PTCH2: variants seen among roughly 807,000 people sequenced by gnomAD.
PTCH2 encodes protein patched homolog 2.
In PTCH2, 96 loss-of-function variants were observed where a neutral mutation model predicts 117.9. That is an observed-to-expected ratio of 0.81 (90% confidence interval 0.69 to 0.96). The LOEUF (loss-of-function observed/expected upper bound fraction) is 0.96, where lower values mean the gene tolerates loss of function less well. PTCH2 is among the 50% of genes least tolerant of loss of function. The pLI is 0.00. For synonymous variants in PTCH2, 615 were observed against 660.9 expected, an observed-to-expected ratio of 0.93 and a Z score of 1.06; for missense variants, 1,379 against 1,562.5, an observed-to-expected ratio of 0.88 and a Z score of 1.98.
chr1:44,836,773 TACAAACAA>T (rs531275917), intron 2 of PTCH2, among the ~76,000 whole-genome samples: 5 of 151,894 alleles, frequency 3.3e-5, no homozygotes, highest in Non-Finnish European at 7.4e-5. Flanking sequence ...ACTGCGTCTC[TACAAACAA>T]ACAAACAAAC....
At chr1:44,840,202 A>G (rs1246788422) in intron 2 of PTCH2, among the ~76,000 whole-genome samples, 1 of 150,440 alleles carries the variant, frequency 6.6e-6, no homozygotes, top group Admixed American at 6.6e-5. Context: ...TCCCAGGTTC[A>G]AGCAATTCTC....
intron 19 of PTCH2, among the ~76,000 whole-genome samples, chr1:44,825,498 A>G (rs959856143): frequency 1.3e-5 from 2 of 152,026 alleles, no homozygotes; most frequent in Admixed American, 1.3e-4. Flanking sequence ...CTGTATTGCT[A>G]TTATATCCCG....
In PTCH2 at chr1:44,823,924, T is replaced by C. The variant is rs1292312885; in HGVS notation, c.3115-539A>G. ...CTACACTCCAGCCTGGGCGACAGAG[T>C]GAGACCCTGTTTCAAACAAACAAAC... On this transcript the variant is annotated intron_variant, in intron 19 of 21. Coordinates refer to ENST00000372192, the MANE Select transcript of PTCH2 (RefSeq NM_003738.5). The surrounding 1 kb of genome is among the most constrained non-coding windows in gnomAD (Gnocchi z 5.1). Among the ~76,000 whole-genome samples the C allele has an allele frequency of 6.7e-6, 1 of 149,532 alleles. No individual in the cohort carries two copies. The highest frequency in any genetic ancestry group is 2.5e-5 in the African/African-American group (1 of 39,568).
At position 44,823,154 on chromosome 1, in the gene PTCH2, G is replaced by T. The variant is rs369600860; in HGVS notation, c.3272C>A (p.Ala1091Glu). 5.6e-6 allele frequency: 9 copies of T among 1,613,946 alleles called. No individual in the cohort carries two copies. Among genetic ancestry groups the T allele is most frequent in the South Asian group, 2.2e-5 (2 of 91,082 alleles). ...FDFIVRYFFAALTVLTLLGLL... is the reference protein window; with the variant it reads ...FDFIVRYFFAELTVLTLLGLL... ...GCCCAGGAGCGTGAGCACTGTCAGC[G>T]CCGCAAAGAAGTACCTAGGGGTAGG... The change falls in exon 21 of 22, where the codon GCG (alanine) becomes GAG (glutamate). Residue 1091 changes from alanine to glutamate, a missense_variant. Ala to Glu is a moderately radical substitution (Grantham distance 107). Transcript: ENST00000372192. The surrounding 1 kb of genome is among the most constrained non-coding windows in gnomAD (Gnocchi z 5.1).
Position 44,838,034 on chromosome 1 carries a change from A to G in PTCH2, c.265+3813T>C, listed in dbSNP as rs191211188. On this transcript the variant is annotated intron_variant, in intron 2 of 21. Coordinates refer to ENST00000372192, the MANE Select transcript of PTCH2 (RefSeq NM_003738.5). ...GAGATGGAGCTTGCAGTGAGCTAAGATCGCACCTCTGCACTCCAGTGTGGG... is the reference window on the plus strand; with the variant it reads ...GAGATGGAGCTTGCAGTGAGCTAAGGTCGCACCTCTGCACTCCAGTGTGGG... 2.3e-4 allele frequency among the ~76,000 whole-genome samples: 35 copies of G among 151,002 alleles called. 1 individual carries two copies. The highest frequency in any genetic ancestry group is 2.2e-3 in the Admixed American group (33 of 15,098).
chr1:44,830,925 C>A lies in PTCH2; in HGVS notation c.736G>T (p.Ala246Ser). ...ELLDKAQVGQ[A>S]YVGRPCLHPD... ...TGCAGACAGGGCCGCCCCACGTAGG[C>A]CTGGCCCACCTGTGCCTTGTCTAGC... Residue 246 changes from alanine (A) to serine (S), a missense_variant, in exon 6 of 22, where the codon GCC becomes TCC. Coordinates refer to ENST00000372192, the MANE Select transcript of PTCH2 (RefSeq NM_003738.5). 6.3e-7 allele frequency: 1 copy of A among 1,599,638 alleles called. No individual in the cohort carries two copies. The highest frequency in any genetic ancestry group is 1.1e-5 in the South Asian group (1 of 90,438).
chr1:44,828,358 G>A lies in PTCH2; in HGVS notation c.1647C>T (p.Ile549=). 2.5e-6 allele frequency: 4 copies of A among 1,614,192 alleles called. No homozygotes were observed. Among genetic ancestry groups the A allele is most frequent in the Non-Finnish European group, 3.4e-6 (4 of 1,180,020 alleles). ...FVAVMLVFPA[I]LSLDLRRRHC... ...GGCGCCGCCGTAGGTCCAGGCTGAG[G>A]ATGGCTGGGAAGACAAGCATCACGG... Residue 549 remains isoleucine (I), a synonymous_variant, in exon 13 of 22, where the codon ATC becomes ATT. Transcript: ENST00000372192.
chr1:44,832,053 G>A lies in PTCH2; in HGVS notation c.456-9C>T, dbSNP rs974138745. 3 of 1,612,842 alleles carry A rather than the reference G, an allele frequency of 1.9e-6. No homozygotes were observed. Among genetic ancestry groups the A allele is most frequent in the East Asian group, 4.5e-5 (2 of 44,884 alleles). ...TGTTCAAATCCCAGGACCTGCAATA[G>A]CCAGGGGCATAGGAGATCAGCAGAA... On this transcript the variant is annotated splice_polypyrimidine_tract_variant and intron_variant, in intron 3 of 21. Transcript: ENST00000372192.
intron 11 of PTCH2, 99 bp downstream of exon 11, chr1:44,828,883 G>A (rs1653288256): frequency 1.5e-6 from 2 of 1,335,202 alleles, no homozygotes; most frequent in Admixed American, 4.0e-5. Flanking sequence ...GGGACAAGAG[G>A]CACCGAGGTT....
Position 44,822,174 on chromosome 1 carries a change from G to A in PTCH2, c.*241C>T. 1 of 1,431,476 alleles carries A rather than the reference G, an allele frequency of 7.0e-7. No individual in the cohort carries two copies. Among genetic ancestry groups the A allele is most frequent in the Non-Finnish European group, 9.1e-7 (1 of 1,098,076 alleles). 88.7% of individuals were successfully genotyped at this position (1,431,476 alleles called of 1,614,324 possible). ...GTGGGAAGGGGGACAGGGCTGCACT[G>A]CAGCCCCAAGTGCCAGCTTTCACTC... On this transcript the variant is annotated 3_prime_UTR_variant, in exon 22 of 22. Coordinates refer to ENST00000372192, the MANE Select transcript of PTCH2 (RefSeq NM_003738.5).
At position 44,832,248 on chromosome 1, in the gene PTCH2, C is replaced by T. The variant is rs200617096; in HGVS notation, c.359G>A (p.Arg120His). ...YTSQMLIQTA[R>H]QEGENILTPE... Reference sequence around the variant, plus strand: ...TGTGAGGATGTTCTCTCCCTCCTGGCGTGCGGTCTGTATCAGCATCTGAGA... The same window carrying T: ...TGTGAGGATGTTCTCTCCCTCCTGGTGTGCGGTCTGTATCAGCATCTGAGA... Residue 120 changes from arginine (R) to histidine (H), a missense_variant, in exon 3 of 22, where the codon CGC (arginine) becomes CAC (histidine). Transcript: ENST00000372192. 6.2e-6 allele frequency: 10 copies of T among 1,614,220 alleles called. No homozygotes were observed. The highest frequency in any genetic ancestry group is 4.5e-5 in the East Asian group (2 of 44,880).
downstream of PTCH2, chr1:44,820,667 G>T (rs917513311): frequency 7.0e-6 from 5 of 717,144 alleles, no homozygotes; most frequent in East Asian, 1.3e-4. Context: ...TGATGAGGGG[G>T]TGCTGGGGTG....
rs1014147766 is a variant in PTCH2, at chr1:44,832,119, C to T, written c.455+33G>A. 1.1e-5 allele frequency: 18 copies of T among 1,613,732 alleles called. No individual in the cohort carries two copies. The African/African-American group carries it at 1.7e-4, about 16-fold the overall frequency. ...TCCAGAACCCCCACAGCACGCCTCG[C>T]CCCCAGCTGCTCAGGGGCTCAGCCA... On this transcript the variant is annotated intron_variant, in intron 3 of 21. Coordinates refer to ENST00000372192, the MANE Select transcript of PTCH2 (RefSeq NM_003738.5).
chr1:44,820,517 G>C (rs1393857474), downstream of PTCH2: 2 of 679,802 alleles, frequency 2.9e-6, no homozygotes, highest in African/African-American at 1.8e-5. Flanking sequence ...GATGGCATCC[G>C]ATCCAATTCA....
intron 11 of PTCH2, 69 bp from the exon 12 acceptor site, chr1:44,828,700 G>A: frequency 1.9e-6 from 3 of 1,568,428 alleles, no homozygotes; most frequent in Non-Finnish European, 2.6e-6. Context: ...GGAGTGAAGG[G>A]GAGGCTCAGG....
chr1:44,837,903 C>A (rs1470745644), intron 2 of PTCH2, among the ~76,000 whole-genome samples: 6 of 151,636 alleles, frequency 4.0e-5, no homozygotes, highest in African/African-American at 1.5e-4. Context: ...ATGGTGGAAC[C>A]CTGTCTCTAC....
In PTCH2 at chr1:44,822,280, T is replaced by C; in HGVS notation, c.*135A>G. On this transcript the variant is annotated 3_prime_UTR_variant, in exon 22 of 22. Transcript: ENST00000372192. ...TCTGTATGGATATCAGGGAGGCCCA[T>C]GACAGCTGGGTCGGGAGAGGGGATG... 1 of 1,578,780 alleles carries C rather than the reference T, an allele frequency of 6.3e-7. No homozygotes were observed. The highest frequency in any genetic ancestry group is 8.6e-7 in the Non-Finnish European group (1 of 1,169,310).
At chr1:44,839,388 A>AAC (rs1653840805) in intron 2 of PTCH2, among the ~76,000 whole-genome samples, 9 of 149,138 alleles carry the variant, frequency 6.0e-5, no homozygotes, top group Non-Finnish European at 1.3e-4. Context: ...AAAAAACAGA[A>AAC]AGAAAAAAAA....
intron 1 of PTCH2, among the ~76,000 whole-genome samples, chr1:44,842,274 C>CTTTTTT (rs200149437): frequency 3.1e-5 from 4 of 130,904 alleles, no homozygotes; most frequent in African/African-American, 9.3e-5. Flanking sequence ...GTTTTCTCTC[C>CTTTTTT]TTTTTTTTTT....
Sources: gnomAD v4.1 joint callset for allele counts (sites outside exome capture counted in the v4.1 genomes callset) on GRCh38, gnomAD v4.1.1 for gene constraint, Gnocchi (gnomAD v3.1) non-coding constraint, MANE v1.5 for transcripts, NCBI Gene and HGNC (gene_info 2026-07-23, HGNC 2026-07-21) for gene names.